ANAPC1: variants seen among roughly 807,000 people sequenced by gnomAD.
ANAPC1 encodes the protein anaphase-promoting complex subunit 1.
Under a neutral mutation model 208.0 loss-of-function variants are expected in ANAPC1, and 36 were observed. That is an observed-to-expected ratio of 0.17 (90% CI 0.13 to 0.23). The LOEUF (loss-of-function observed/expected upper bound fraction) is 0.23, where lower values mean the gene tolerates loss of function less well. ANAPC1 is among the 10% of genes least tolerant of loss of function. The probability of loss-of-function intolerance (pLI) is 1.00; values close to 1 mark genes in which losing one functional copy is unlikely to be tolerated. For missense variants in ANAPC1, 942 were observed against 2,011.6 expected (o/e 0.47, Z 10.17); for synonymous variants, 378 against 695.2 (o/e 0.54, Z 7.18).
At chr2:111,842,750 T>C (rs1438063221) in intron 17 of ANAPC1, among the ~76,000 whole-genome samples, 1 of 152,108 alleles carries the variant, frequency 6.6e-6, no homozygotes, top group Non-Finnish European at 1.5e-5. Flanking sequence ...TGATTTTTTT[T>C]CAGAGTGACC....
chr2:111,806,701 G>A (rs1678693623), intron 29 of ANAPC1, among the ~76,000 whole-genome samples: 1 of 148,750 alleles, frequency 6.7e-6, no homozygotes, highest in Non-Finnish European at 1.5e-5. Context: ...ATAATAATGA[G>A]CCCTACTATG....
intron 16 of ANAPC1, 95 bp downstream of exon 16, chr2:111,847,043 T>C (rs1359415496): frequency 1.0e-6 from 1 of 1,001,950 alleles, no homozygotes; most frequent in African/African-American, 1.6e-5. Flanking sequence ...CTTGATCCAG[T>C]GGCTTCAAAA....
chr2:111,771,051 C>T (rs1330685091), intron 47 of ANAPC1: 5 of 153,066 alleles, frequency 3.3e-5, no homozygotes, highest in East Asian at 2.0e-4. Context: ...ACACAGATCA[C>T]CTTAGTTCTG....
At chr2:111,872,587 C>T (rs746813752) in intron 6 of ANAPC1, 43 bp downstream of exon 6, 2 of 1,503,484 alleles carry the variant, frequency 1.3e-6, no homozygotes, top group Non-Finnish European at 1.8e-6. Context: ...CACAAACACA[C>T]AAATCCCAAG....
chr2:111,859,171 C>A (rs1681913457), intron 10 of ANAPC1, among the ~76,000 whole-genome samples: 1 of 152,076 alleles, frequency 6.6e-6, no homozygotes, highest in Non-Finnish European at 1.5e-5. Context: ...TCTCTAATTC[C>A]CAAACCCTTC....
intron 13 of ANAPC1, among the ~76,000 whole-genome samples, chr2:111,854,111 G>A (rs1681567040): frequency 6.6e-6 from 1 of 152,168 alleles, no homozygotes; most frequent in Non-Finnish European, 1.5e-5. Flanking sequence ...AGACTTTAAA[G>A]TCAAAATTAC....
intron 14 of ANAPC1, among the ~76,000 whole-genome samples, chr2:111,848,882 T>A (rs1029664063): frequency 1.1e-4 from 16 of 152,134 alleles, no homozygotes; most frequent in African/African-American, 3.9e-4. Context: ...CAGTATTTAA[T>A]GGTATTTCCC....
chr2:111,826,238 C>T (rs1558695715), intron 21 of ANAPC1, among the ~76,000 whole-genome samples: 2 of 152,110 alleles, frequency 1.3e-5, no homozygotes, highest in Non-Finnish European at 2.9e-5. Flanking sequence ...ATAATTCATC[C>T]ATTTTAGGTG....
intron 7 of ANAPC1, chr2:111,865,829 CCAA>C (rs1682374130): frequency 1.1e-5 from 2 of 184,544 alleles, no homozygotes; most frequent in African/African-American, 4.7e-5. Flanking sequence ...AACAATCATG[CCAA>C]AAAGGGGCAC....
At chr2:111,787,091 G>A (rs1677596683) in intron 39 of ANAPC1, among the ~76,000 whole-genome samples, 1 of 145,206 alleles carries the variant, frequency 6.9e-6, no homozygotes, top group African/African-American at 2.5e-5. Flanking sequence ...GGAGCTTGCA[G>A]TGACCCGAGA....
chr2:111,865,600 T>C (rs1267109215), intron 7 of ANAPC1, among the ~76,000 whole-genome samples: 3 of 152,240 alleles, frequency 2.0e-5, no homozygotes, highest in African/African-American at 4.8e-5. Flanking sequence ...TCAAAATATC[T>C]ACTATTAATA....
chr2:111,832,937 C>CA (rs908553180), intron 20 of ANAPC1, among the ~76,000 whole-genome samples: 4,472 of 53,486 alleles, frequency 0.084, 710 homozygotes, highest in African/African-American at 0.27. Flanking sequence ...GACTCAGTCT[C>CA]AAAAAAAAAA....
intron 29 of ANAPC1, among the ~76,000 whole-genome samples, chr2:111,807,604 A>G (rs1383788334): frequency 6.6e-6 from 1 of 152,042 alleles, no homozygotes; most frequent in Non-Finnish European, 1.5e-5. Context: ...AGGCAGGAGA[A>G]TGGCGTGAAC....
chr2:111,831,826 C>CAA (rs34008628), intron 20 of ANAPC1, among the ~76,000 whole-genome samples: 1,156 of 28,942 alleles, frequency 0.04, 47 homozygotes, highest in African/African-American at 0.063. Context: ...GACTCTGTCT[C>CAA]AAAAAAAAAA....
intron 45 of ANAPC1, among the ~76,000 whole-genome samples, chr2:111,777,825 A>G (rs1677070045): frequency 6.6e-6 from 1 of 152,228 alleles, no homozygotes; most frequent in African/African-American, 2.4e-5. Context: ...TCAGCTTTTT[A>G]GCAAATTATT....
chr2:111,873,138 G>A, intron 5 of ANAPC1, 170 bp downstream of exon 5: 2 of 694,434 alleles, frequency 2.9e-6, no homozygotes, highest in Non-Finnish European at 2.2e-6. Context: ...ATTTTCTTGT[G>A]AAGTACAGAA....
intron 21 of ANAPC1, among the ~76,000 whole-genome samples, chr2:111,828,185 A>G (rs115754789): frequency 0.019 from 2,886 of 152,336 alleles, 77 homozygotes; most frequent in African/African-American, 0.066. Flanking sequence ...AATATGCTCA[A>G]TATCACTAAA....
At chr2:111,865,047 C>T (rs1291947228) in intron 7 of ANAPC1, 96 bp from the exon 8 acceptor site, 38 of 1,415,648 alleles carry the variant, frequency 2.7e-5, no homozygotes, top group Non-Finnish European at 2.1e-5. Context: ...AGATAAAGAA[C>T]AACCAAGCCA....
intron 21 of ANAPC1, among the ~76,000 whole-genome samples, chr2:111,827,362 C>G (rs1679894137): frequency 6.6e-6 from 1 of 152,202 alleles, no homozygotes; most frequent in African/African-American, 2.4e-5. Context: ...TTGAAGACAA[C>G]AGGCTCCCAA....
Sources: allele counts gnomAD v4.1 joint callset (sites outside exome capture counted in the v4.1 genomes callset), GRCh38; gene constraint gnomAD v4.1.1; transcripts MANE v1.5; gene names NCBI Gene and HGNC (gene_info 2026-07-23, HGNC 2026-07-21).